Variants in KCNIP2 observed in about 807,000 individuals in gnomAD.
The protein encoded by KCNIP2 is potassium voltage-gated channel interacting protein 2, also known as A-type potassium channel modulatory protein KCNIP2.
A neutral mutation model predicts 39.0 loss-of-function variants in KCNIP2; 19 were observed. The ratio of observed to expected loss-of-function variants is 0.49; its 90% CI spans 0.34 to 0.71. The LOEUF (loss-of-function observed/expected upper bound fraction) is 0.71. Ranked by LOEUF, KCNIP2 falls within the 30% of genes least tolerant of loss-of-function variation. KCNIP2 has a pLI of 0.01. For missense variants in KCNIP2, 261 were observed against 346.0 expected, an observed-to-expected ratio of 0.75 and a Z score of 1.95; for synonymous variants, 111 against 131.2, an observed-to-expected ratio of 0.85 and a Z score of 1.05.
chr10:101,836,385 C>T lies in KCNIP2; in HGVS notation c.74-5218G>A, dbSNP rs151009704. ...GCCACCGAATAGCTGGGATTACAGG[C>T]GTGCACCACCACGCCCAGCTGATTT... On this transcript the variant is annotated intron_variant, in intron 1 of 9. Coordinates refer to ENST00000356640, the MANE Select transcript of KCNIP2 (RefSeq NM_173191.3). Among the ~76,000 whole-genome samples, 1,491 of 149,122 alleles carry T rather than the reference C, an allele frequency of 1.0e-2. 13 individuals carry two copies. Among genetic ancestry groups the T allele is most frequent in the Non-Finnish European group, 0.015 (985 of 67,634 alleles).
intron 3 of KCNIP2, 118 bp downstream of exon 3, chr10:101,829,726 C>T (rs2065896464): frequency 7.3e-6 from 1 of 136,890 alleles, no homozygotes; most frequent in Non-Finnish European, 1.5e-5. Flanking sequence ...AGACCCCACC[C>T]CCGGCCCCAT....
intron 1 of KCNIP2, among the ~76,000 whole-genome samples, chr10:101,836,292 T>C (rs2066159206): frequency 6.7e-6 from 1 of 149,924 alleles, no homozygotes; most frequent in African/African-American, 2.4e-5. Context: ...TTTTTTTTTT[T>C]TTTGAGACAG....
Position 101,827,886 on chromosome 10 carries a change from T to C in KCNIP2, c.702+3A>G. 1 of 1,610,244 alleles carries C rather than the reference T, an allele frequency of 6.2e-7. No individual in the cohort carries two copies. Among genetic ancestry groups the C allele is most frequent in the Non-Finnish European group, 8.5e-7 (1 of 1,176,380 alleles). Reference sequence around the variant, plus strand: ...GCCCTCCAGCCTACCCACTCCCAAGTACCTGGAAGAAGCTCTCCACGTGTT... The same window carrying C: ...GCCCTCCAGCCTACCCACTCCCAAGCACCTGGAAGAAGCTCTCCACGTGTT... On this transcript the variant is annotated splice_donor_region_variant and intron_variant, in intron 8 of 9. Transcript: ENST00000356640.
Position 101,827,144 on chromosome 10 carries a change from T to C in KCNIP2, c.*209A>G, listed in dbSNP as rs2065769717. On this transcript the variant is annotated 3_prime_UTR_variant, in exon 10 of 10. Transcript: ENST00000356640. ...GGAAGGGGGTGAGAGCTGGTGGGAGTTGGGAACACCCCCCGAGATGCACTC... is the reference window on the plus strand; with the variant it reads ...GGAAGGGGGTGAGAGCTGGTGGGAGCTGGGAACACCCCCCGAGATGCACTC... 1 of 1,199,904 alleles carries C rather than the reference T, an allele frequency of 8.3e-7. No homozygotes were observed. The allele number at this position is 1,199,904 out of a possible 1,614,324, so 74.3% of individuals were successfully genotyped here.
At chr10:101,842,854 TCA>T (rs1339919697) in intron 1 of KCNIP2, among the ~76,000 whole-genome samples, 10 of 152,194 alleles carry the variant, frequency 6.6e-5, no homozygotes, top group Non-Finnish European at 1.2e-4. Context: ...AACACTAATC[TCA>T]CAACCACAAA....
intron 1 of KCNIP2, among the ~76,000 whole-genome samples, chr10:101,836,960 C>CA (rs1308757256): frequency 4.5e-4 from 67 of 148,714 alleles, no homozygotes; most frequent in Middle Eastern, 3.5e-3. Flanking sequence ...GACTCTGTCT[C>CA]AAAAAAAAAA....
intron 1 of KCNIP2, among the ~76,000 whole-genome samples, chr10:101,834,545 C>T (rs1297015323): frequency 6.6e-6 from 1 of 152,160 alleles, no homozygotes; most frequent in Non-Finnish European, 1.5e-5. Context: ...GCCCCACAAG[C>T]CTCCCAACCA....
Position 101,843,477 on chromosome 10 carries a change from C to T in KCNIP2, c.73+19G>A, listed in dbSNP as rs945028956. On this transcript the variant is annotated intron_variant, in intron 1 of 9. Transcript: ENST00000356640. The surrounding 1 kb of genome is among the most constrained non-coding windows in gnomAD (Gnocchi z 6.7). ...TGGAATCCACCCTCCCTCCCGCGAC[C>T]CCCACGTCACTGACTCACCCGTGAG... The T allele has an allele frequency of 6.6e-7, 1 of 1,518,550 alleles. No individual in the cohort carries two copies. Among genetic ancestry groups the T allele is most frequent in the South Asian group, 1.2e-5 (1 of 80,098 alleles). The allele number at this position is 1,518,550 out of a possible 1,614,324, so 94.1% of individuals were successfully genotyped here.
At chr10:101,839,885 G>A (rs760237837) in intron 1 of KCNIP2, 1 of 1,533,984 alleles carries the variant, frequency 6.5e-7, no homozygotes, top group South Asian at 1.2e-5. Context: ...CCCAGGCCCC[G>A]GGGCGGTCCG....
chr10:101,843,478 C>A lies in KCNIP2; in HGVS notation c.73+18G>T. ...GGAATCCACCCTCCCTCCCGCGACCCCCACGTCACTGACTCACCCGTGAGC... is the reference window on the plus strand; with the variant it reads ...GGAATCCACCCTCCCTCCCGCGACCACCACGTCACTGACTCACCCGTGAGC... On this transcript the variant is annotated intron_variant, in intron 1 of 9. Transcript: ENST00000356640. The surrounding 1 kb of genome is among the most constrained non-coding windows in gnomAD (Gnocchi z 6.7). 1.3e-6 allele frequency: 2 copies of A among 1,522,486 alleles called. No homozygotes were observed. The highest frequency in any genetic ancestry group is 2.6e-5 in the East Asian group (1 of 39,054). 94.3% of individuals were successfully genotyped at this position (1,522,486 alleles called of 1,614,324 possible). A position where few individuals can be genotyped will look rare whatever the true frequency, so the allele number is the denominator to read the frequency against.
intron 1 of KCNIP2, among the ~76,000 whole-genome samples, chr10:101,831,449 C>G (rs1240663065): frequency 6.6e-6 from 1 of 152,094 alleles, no homozygotes; most frequent in Non-Finnish European, 1.5e-5. Context: ...GACCTAGTAC[C>G]CTTGGCTCAA....
At chr10:101,829,046 C>T (rs544503398) in intron 4 of KCNIP2, 29 bp downstream of exon 4, 7 of 1,605,902 alleles carry the variant, frequency 4.4e-6, no homozygotes, top group African/African-American at 2.7e-5. Context: ...GTCCCACCCT[C>T]GCTGAGTTTG....
rs1369719163 is a variant in KCNIP2 at position 101,828,598 on chromosome 10, C to T, written c.418+29G>A. 1 of 1,608,126 alleles carries T rather than the reference C, an allele frequency of 6.2e-7. No homozygotes were observed. The highest frequency in any genetic ancestry group is 8.5e-7 in the Non-Finnish European group (1 of 1,174,702). Reference sequence around the variant, plus strand: ...CCTCCCTCAGCCTAGAGAAGGACAACTGCTTCCCCTTGGGCCTTGTCCCCT... The same window carrying T: ...CCTCCCTCAGCCTAGAGAAGGACAATTGCTTCCCCTTGGGCCTTGTCCCCT... On this transcript the variant is annotated intron_variant, in intron 5 of 9. Coordinates refer to ENST00000356640, the MANE Select transcript of KCNIP2 (RefSeq NM_173191.3). The surrounding 1 kb of genome is among the most constrained non-coding windows in gnomAD (Gnocchi z 6.6).
At chr10:101,830,068 C>T (rs115098498) in intron 2 of KCNIP2, 171 bp from the exon 3 acceptor site, 7 of 759,058 alleles carry the variant, frequency 9.2e-6, no homozygotes, top group Non-Finnish European at 1.3e-5. Flanking sequence ...GCGGGACTCA[C>T]GCCTGTCCTT....
Position 101,828,476 on chromosome 10 carries a change from G to C in KCNIP2, c.419-17C>G. On this transcript the variant is annotated splice_polypyrimidine_tract_variant and intron_variant, in intron 5 of 9. Coordinates refer to ENST00000356640, the MANE Select transcript of KCNIP2 (RefSeq NM_173191.3). The surrounding 1 kb of genome is among the most constrained non-coding windows in gnomAD (Gnocchi z 6.6). ...TGCTGGAGTCTGCAGGGTGAGTGTGGAGAAGTTGGCTTCCACACAGGAGAG... is the reference window on the plus strand; with the variant it reads ...TGCTGGAGTCTGCAGGGTGAGTGTGCAGAAGTTGGCTTCCACACAGGAGAG... 6 of 1,613,616 alleles carry C rather than the reference G, an allele frequency of 3.7e-6. No individual in the cohort carries two copies. The South Asian group carries it at 4.4e-5, about 12-fold the overall frequency.
Position 101,828,776 on chromosome 10 carries a change from C to T in KCNIP2, c.349-80G>A, listed in dbSNP as rs1455291911. The T allele has an allele frequency of 2.5e-6, 4 of 1,611,658 alleles. No homozygotes were observed. The East Asian group carries it at 6.7e-5, about 27-fold the overall frequency. On this transcript the variant is annotated intron_variant, in intron 4 of 9. Coordinates refer to ENST00000356640, the MANE Select transcript of KCNIP2 (RefSeq NM_173191.3). The surrounding 1 kb of genome is among the most constrained non-coding windows in gnomAD (Gnocchi z 6.6). Reference sequence around the variant, plus strand: ...CGCCCCCACCCTCCATGGCCCAAGACTCCCAGGGAGGGGGATAATCTTCAA... The same window carrying T: ...CGCCCCCACCCTCCATGGCCCAAGATTCCCAGGGAGGGGGATAATCTTCAA...
chr10:101,841,747 C>T (rs1353719855), intron 1 of KCNIP2, among the ~76,000 whole-genome samples: 1 of 152,186 alleles, frequency 6.6e-6, no homozygotes, highest in Non-Finnish European at 1.5e-5. Context: ...AATGCTTCCC[C>T]CACCCAATCT....
Position 101,831,126 on chromosome 10 carries a change from A to C in KCNIP2, c.115T>G (p.Phe39Val). The part of the protein sequence containing the change: ...GPTKKALKQR[F>V]LKLLPCCGPQ... ...CCGCAGCACGGCAGCAGCTTGAGGA[A>C]TCGCTGCTTCAGCGCTTTTTTAGTG... is the stretch of plus-strand genomic sequence containing the variant. Residue 39 changes from phenylalanine (F) to valine (V), a missense_variant, in exon 2 of 10, where the codon TTC (phenylalanine) becomes GTC (valine). Physicochemically the swap from Phe to Val is conservative, Grantham distance 50 (BLOSUM62 -1). Transcript: ENST00000356640. 1 of 1,613,074 alleles carries C rather than the reference A, an allele frequency of 6.2e-7. No homozygotes were observed. Among genetic ancestry groups the C allele is most frequent in the Non-Finnish European group, 8.5e-7 (1 of 1,179,704 alleles).
intron 1 of KCNIP2, among the ~76,000 whole-genome samples, chr10:101,841,042 C>CT (rs1174192572): frequency 1.3e-5 from 2 of 152,228 alleles, no homozygotes; most frequent in African/African-American, 4.8e-5. Flanking sequence ...AGCGGCCCCG[C>CT]CGGGCTGGGA....
Sources: gnomAD v4.1 joint callset for allele counts (sites outside exome capture counted in the v4.1 genomes callset) on GRCh38, gnomAD v4.1.1 for gene constraint, Gnocchi (gnomAD v3.1) non-coding constraint, MANE v1.5 for transcripts, NCBI Gene and HGNC (gene_info 2026-07-23, HGNC 2026-07-21) for gene names.